PCTP: variants seen among roughly 807,000 people sequenced by gnomAD.
The protein encoded by PCTP is START domain-containing protein 2.
In PCTP, 27 loss-of-function variants were observed where a neutral mutation model predicts 31.0. The ratio of observed to expected loss-of-function variants is 0.87; its 90% CI spans 0.64 to 1.20. PCTP has a LOEUF of 1.20. PCTP is among the 50% of genes most tolerant of loss of function. The probability of loss-of-function intolerance (pLI) is 0.00; values close to 1 mark genes in which losing one functional copy is unlikely to be tolerated. For synonymous variants in PCTP, 108 were observed against 101.2 expected (o/e 1.07, Z -0.40); for missense variants, 287 against 268.2 (o/e 1.07, Z -0.49).
intron 3 of PCTP, among the ~76,000 whole-genome samples, chr17:55,792,820 C>G (rs1912048997): frequency 1.3e-5 from 2 of 152,090 alleles, no homozygotes; most frequent in South Asian, 4.1e-4. Context: ...AATGTCAGAG[C>G]TTTATGTATG....
chr17:55,802,415 A>G (rs1375598623), intron 3 of PCTP, among the ~76,000 whole-genome samples: 1 of 152,134 alleles, frequency 6.6e-6, no homozygotes, highest in African/African-American at 2.4e-5. Context: ...CAGAACAACA[A>G]CAACAAAAAA....
chr17:55,838,551 T>C (rs889718101), intron 5 of PCTP, among the ~76,000 whole-genome samples: 10 of 152,308 alleles, frequency 6.6e-5, no homozygotes, highest in Middle Eastern at 6.8e-3. Context: ...CCTCACTAGA[T>C]TGTAAGCTCT....
intron 3 of PCTP, among the ~76,000 whole-genome samples, chr17:55,804,541 G>T (rs1912516083): frequency 6.6e-6 from 1 of 152,122 alleles, no homozygotes; most frequent in Non-Finnish European, 1.5e-5. Context: ...GCCATAAAAA[G>T]GATGAGTTCC....
At chr17:55,850,519 T>C in the PCTP span, among the ~76,000 whole-genome samples, 5 of 152,236 alleles carry the variant, frequency 3.3e-5, no homozygotes, top group Admixed American at 6.5e-5. Context: ...GGAGATTCTT[T>C]TCCAGTTTCA....
chr17:55,852,326 G>A, the PCTP span, among the ~76,000 whole-genome samples: 4 of 152,068 alleles, frequency 2.6e-5, no homozygotes, highest in African/African-American at 4.8e-5. Context: ...TGGAAAAGTC[G>A]TGGTACTGTA....
chr17:55,846,783 A>G (rs79486807), downstream of PCTP, among the ~76,000 whole-genome samples: 5,228 of 152,324 alleles, frequency 0.034, 258 homozygotes, highest in African/African-American at 0.12. Context: ...GAAACCTCAG[A>G]GGTCACCTGA....
intron 5 of PCTP, among the ~76,000 whole-genome samples, chr17:55,841,666 T>C (rs983486311): frequency 6.6e-6 from 1 of 152,078 alleles, no homozygotes; most frequent in African/African-American, 2.4e-5. Flanking sequence ...ATACCTTGGG[T>C]GAGATCAAAA....
At chr17:55,795,278 G>A (rs1380380615) in intron 3 of PCTP, among the ~76,000 whole-genome samples, 1 of 151,986 alleles carries the variant, frequency 6.6e-6, no homozygotes, top group Non-Finnish European at 1.5e-5. Context: ...GTAACTTCAC[G>A]TAGTCTGACT....
intron 3 of PCTP, among the ~76,000 whole-genome samples, chr17:55,808,810 A>G (rs1264241438): frequency 1.3e-5 from 2 of 152,238 alleles, no homozygotes. Context: ...AATGAGCCAA[A>G]GCTAACACTT....
Position 55,795,149 on chromosome 17 carries a change from A to T in PCTP, c.317+7495A>T, listed in dbSNP as rs557934532. Among the ~76,000 whole-genome samples the T allele has an allele frequency of 3.9e-5, 6 of 152,132 alleles. No homozygotes were observed. The South Asian group carries it at 1.2e-3, about 31-fold the overall frequency. On this transcript the variant is annotated intron_variant, in intron 3 of 3. Transcript: ENST00000572536. ...TCTAAAGAGCTATCCCCCTGCCATC[A>T]GTTTTATTAAAGGCATAAATGTGCA...
At chr17:55,820,166 A>G (rs1913069536) in intron 3 of PCTP, among the ~76,000 whole-genome samples, 1 of 152,218 alleles carries the variant, frequency 6.6e-6, no homozygotes, top group Admixed American at 6.5e-5. Flanking sequence ...AAATAGATAA[A>G]TGTAACTTTA....
At chr17:55,847,321 G>T (rs1906170976), downstream of PCTP, among the ~76,000 whole-genome samples, 1 of 152,298 alleles carries the variant, frequency 6.6e-6, no homozygotes, top group South Asian at 2.1e-4. Context: ...ATGTGTTTTG[G>T]CTCCATGGCC....
chr17:55,780,884 G>A (rs1211044637), downstream of PCTP, among the ~76,000 whole-genome samples: 1 of 152,116 alleles, frequency 6.6e-6, no homozygotes, highest in African/African-American at 2.4e-5. Context: ...GGGAAATGAT[G>A]AGAACTGGAA....
At chr17:55,806,752 C>T (rs1912593494) in intron 3 of PCTP, among the ~76,000 whole-genome samples, 1 of 152,068 alleles carries the variant, frequency 6.6e-6, no homozygotes, top group African/African-American at 2.4e-5. Context: ...GTAGACATCA[C>T]TATTACAGTG....
chr17:55,848,521 ACTC>A, the PCTP span, among the ~76,000 whole-genome samples: 2 of 151,688 alleles, frequency 1.3e-5, no homozygotes, highest in Non-Finnish European at 2.9e-5. Context: ...ATTCAGAAAA[ACTC>A]CTCATGCACT....
intron 1 of PCTP, among the ~76,000 whole-genome samples, chr17:55,758,618 A>G (rs1327407947): frequency 6.6e-6 from 1 of 152,178 alleles, no homozygotes; most frequent in African/African-American, 2.4e-5. Flanking sequence ...CTGGTCACTT[A>G]TGGAGCTGAA....
chr17:55,824,247 G>T (rs1053913678), downstream of PCTP, among the ~76,000 whole-genome samples: 1 of 151,944 alleles, frequency 6.6e-6, no homozygotes, highest in Non-Finnish European at 1.5e-5. Flanking sequence ...AAAGACCTCC[G>T]AGAGTGTACC....
the PCTP span, among the ~76,000 whole-genome samples, chr17:55,851,028 T>A: frequency 6.6e-6 from 1 of 152,208 alleles, no homozygotes; most frequent in Non-Finnish European, 1.5e-5. Context: ...ATTCTAATGA[T>A]TGACCAGATA....
rs746502891 is a variant in PCTP at position 55,755,100 on chromosome 17, A to G, written c.141+3856A>G. The stretch of plus-strand genomic sequence containing the variant: ...ATTGAGCCTTTATTGAGGATCTGCA[A>G]TGGGTCAGATTTCCATCTATGGAAA... On this transcript the variant is annotated intron_variant, in intron 1 of 5. Transcript: ENST00000268896. 3.9e-5 allele frequency among the ~76,000 whole-genome samples: 6 copies of G among 152,152 alleles called. No individual in the cohort carries two copies. The South Asian group carries it at 6.2e-4, about 16-fold the overall frequency.
Sources: allele counts gnomAD v4.1 joint callset (sites outside exome capture counted in the v4.1 genomes callset), GRCh38; gene constraint gnomAD v4.1.1; transcripts MANE v1.5; gene names NCBI Gene and HGNC (gene_info 2026-07-23, HGNC 2026-07-21).